Variants in SLC4A4 observed in about 807,000 individuals in gnomAD.
The protein encoded by SLC4A4 is solute carrier family 4 member 4, also known as electrogenic sodium bicarbonate cotransporter 1.
In SLC4A4, 27 loss-of-function variants were observed where a neutral mutation model predicts 111.5. That is an observed-to-expected ratio of 0.24 (90% confidence interval 0.18 to 0.33). SLC4A4 has a LOEUF of 0.33. SLC4A4 is among the 10% of genes least tolerant of loss of function. The pLI, the probability that SLC4A4 is intolerant of heterozygous loss-of-function variation, is 1.00. For missense variants in SLC4A4, 909 were observed against 1,315.5 expected, an observed-to-expected ratio of 0.69 and a Z score of 4.78; for synonymous variants, 443 against 463.4, an observed-to-expected ratio of 0.96 and a Z score of 0.57.
chr4:71,407,116 T>C (rs1415362041), intron 7 of SLC4A4, among the ~76,000 whole-genome samples: 2 of 152,162 alleles, frequency 1.3e-5, no homozygotes, highest in Non-Finnish European at 2.9e-5. Flanking sequence ...TTAGGGTCTT[T>C]TTAGGTCCCT....
In SLC4A4 at chr4:71,342,359, A is replaced by G. The variant is rs1267141764; in HGVS notation, c.389+2854A>G. ...TTTTCCTTCTTTCTGATAGAAAAAT[A>G]CAGTGTGAGAATTGTCCTGGTGCAG... On this transcript the variant is annotated intron_variant, in intron 4 of 25. Coordinates refer to ENST00000264485, the MANE Select transcript of SLC4A4 (RefSeq NM_001098484.3). Among the ~76,000 whole-genome samples, 6 of 152,306 alleles carry G rather than the reference A, an allele frequency of 3.9e-5. No homozygotes were observed. The East Asian group carries it at 1.2e-3, about 29-fold the overall frequency.
chr4:71,382,888 G>A (rs1277927783), intron 6 of SLC4A4, among the ~76,000 whole-genome samples: 1 of 152,130 alleles, frequency 6.6e-6, no homozygotes, highest in Non-Finnish European at 1.5e-5. Flanking sequence ...TGTACTGGGG[G>A]AATTTCTGAA....
At chr4:71,416,691 A>AATTATT (rs201948798) in intron 7 of SLC4A4, among the ~76,000 whole-genome samples, 1 of 151,460 alleles carries the variant, frequency 6.6e-6, no homozygotes, top group African/African-American at 2.4e-5. Context: ...AAACATTTTA[A>AATTATT]ATTATTATTA....
chr4:71,470,339 T>C (rs1180469586), intron 13 of SLC4A4, among the ~76,000 whole-genome samples: 1 of 152,054 alleles, frequency 6.6e-6, no homozygotes, highest in Admixed American at 6.6e-5. Context: ...CCAGTATTAA[T>C]AATCTCCTTC....
chr4:71,141,719 A>C (rs73826351), intron 2 of SLC4A4, among the ~76,000 whole-genome samples: 1 of 152,352 alleles, frequency 6.6e-6, no homozygotes, highest in African/African-American at 2.4e-5. Flanking sequence ...CTTGCTTATT[A>C]GTATTCCCCA....
At chr4:71,281,353 C>A (rs2602049) in intron 3 of SLC4A4, among the ~76,000 whole-genome samples, 44,693 of 151,994 alleles carry the variant, frequency 0.29, 8,454 homozygotes, top group African/African-American at 0.51. Flanking sequence ...TTGGTTTTGA[C>A]GGAAAGCATA....
In SLC4A4 at chr4:71,153,033, G is replaced by GTGTATATATATA. The variant is rs386400441; in HGVS notation, c.-2+60242_-2+60243insGTATATATATAT. On this transcript the variant is annotated intron_variant, in intron 2 of 26. Transcript: ENST00000649996. The stretch of plus-strand genomic sequence containing the variant: ...TGTATATATATAAATATATGTGTGT[G>GTGTATATATATA]TATATATATATATATATATAAAAAT... Among the ~76,000 whole-genome samples, 3 of 132,726 alleles carry GTGTATATATATA rather than the reference G, an allele frequency of 2.3e-5. No homozygotes were observed. In the East Asian group the frequency reaches 6.9e-4, roughly 31 times the overall value. 87.1% of individuals were successfully genotyped at this position (132,726 alleles called of 152,430 possible). A position where few individuals can be genotyped will look rare whatever the true frequency, so the allele number is the denominator to read the frequency against.
chr4:71,102,863 T>C (rs1742799731), intron 2 of SLC4A4, among the ~76,000 whole-genome samples: 1 of 151,582 alleles, frequency 6.6e-6, no homozygotes, highest in South Asian at 2.1e-4. Flanking sequence ...CTGCATCAAC[T>C]AACGAGCAAA....
chr4:71,496,485 C>T (rs549929129), intron 15 of SLC4A4, among the ~76,000 whole-genome samples: 1 of 152,016 alleles, frequency 6.6e-6, no homozygotes, highest in Non-Finnish European at 1.5e-5. Context: ...CACCTGGAGA[C>T]GAAGAGGGTA....
chr4:71,407,586 A>G (rs555164796), intron 7 of SLC4A4, among the ~76,000 whole-genome samples: 1 of 152,318 alleles, frequency 6.6e-6, no homozygotes, highest in South Asian at 2.1e-4. Flanking sequence ...AAGAGTTTTA[A>G]CCAAATAAAA....
intron 1 of SLC4A4, among the ~76,000 whole-genome samples, chr4:71,200,572 C>A (rs549167347): frequency 2.7e-4 from 41 of 152,160 alleles, no homozygotes; most frequent in Non-Finnish European, 5.3e-4. Context: ...AGCTATGACA[C>A]CCTCTTTACA....
At chr4:71,191,059 T>G (rs141529176) in intron 1 of SLC4A4, among the ~76,000 whole-genome samples, 40 of 152,354 alleles carry the variant, frequency 2.6e-4, no homozygotes, top group Middle Eastern at 3.4e-3. Flanking sequence ...ATAGTTTATT[T>G]GTAAAATAGG....
intron 2 of SLC4A4, among the ~76,000 whole-genome samples, chr4:71,239,312 C>A (rs760372443): frequency 2.6e-5 from 4 of 152,072 alleles, no homozygotes; most frequent in African/African-American, 4.8e-5. Context: ...AAGATGTACT[C>A]CCAATAAGTG....
At chr4:71,417,426 A>G (rs1405016191) in intron 7 of SLC4A4, among the ~76,000 whole-genome samples, 1 of 152,202 alleles carries the variant, frequency 6.6e-6, no homozygotes, top group East Asian at 1.9e-4. Flanking sequence ...CCTCTGAGAT[A>G]GATGAATGAG....
intron 7 of SLC4A4, among the ~76,000 whole-genome samples, chr4:71,438,426 T>A (rs1362523550): frequency 6.6e-6 from 1 of 152,226 alleles, no homozygotes; most frequent in Non-Finnish European, 1.5e-5. Context: ...CTTTACAAGG[T>A]TCCTGTGAGA....
intron 18 of SLC4A4, among the ~76,000 whole-genome samples, chr4:71,536,462 ATACATATATATATATATATAT>A: frequency 1.9e-5 from 1 of 53,954 alleles, no homozygotes; most frequent in Non-Finnish European, 3.7e-5. Context: ...ATATACATAT[ATACATATATATATATATATAT>A]ATATGTATAT....
At position 71,555,048 on chromosome 4, in the gene SLC4A4, GTT is replaced by G. The variant is rs2149246671; in HGVS notation, c.2695-89_2695-88del. 3.3e-6 allele frequency: 3 copies of G among 913,664 alleles called. No individual in the cohort carries two copies. The East Asian group carries it at 7.3e-5, about 22-fold the overall frequency. 56.6% of individuals were successfully genotyped at this position (913,664 alleles called of 1,614,324 possible). On this transcript the variant is annotated intron_variant, in intron 20 of 25. Coordinates refer to ENST00000264485, the MANE Select transcript of SLC4A4 (RefSeq NM_001098484.3). ...CTAAGTTATTATATCCTATATTTTA[GTT>G]TTAGATTTAGCCTTTATTTAAATGA...
chr4:71,515,457 G>A (rs1732300072), intron 16 of SLC4A4, among the ~76,000 whole-genome samples: 1 of 152,112 alleles, frequency 6.6e-6, no homozygotes, highest in Non-Finnish European at 1.5e-5. Flanking sequence ...CAGTTGTTAG[G>A]TAGAATGTTC....
chr4:71,421,694 C>G (rs1421807596), intron 7 of SLC4A4, among the ~76,000 whole-genome samples: 2 of 152,068 alleles, frequency 1.3e-5, no homozygotes, highest in African/African-American at 4.8e-5. Context: ...ACTCAAAACC[C>G]CTCAACTTCA....
Sources: allele counts gnomAD v4.1 joint callset (sites outside exome capture counted in the v4.1 genomes callset), GRCh38; gene constraint gnomAD v4.1.1; transcripts MANE v1.5; gene names NCBI Gene and HGNC (gene_info 2026-07-23, HGNC 2026-07-21).